The following ANKH variants were observed in gnomAD, a reference collection of about 807,000 sequenced individuals.
ANKH encodes the protein mineralization regulator ANKH.
Under a neutral mutation model 49.0 loss-of-function variants are expected in ANKH, and 15 were observed. The observed-to-expected ratio is 0.31, with a 90% confidence interval of 0.20 to 0.47. The LOEUF is 0.47. Ranked by LOEUF, ANKH falls within the 20% of genes least tolerant of loss-of-function variation. The probability of loss-of-function intolerance (pLI) is 1.00; values close to 1 mark genes in which losing one functional copy is unlikely to be tolerated. For missense variants in ANKH, 429 were observed against 652.0 expected (o/e 0.66, Z 3.72); for synonymous variants, 273 against 260.0 (o/e 1.05, Z -0.48).
chr5:14,783,721 G>A (rs930676518), intron 1 of ANKH, among the ~76,000 whole-genome samples: 4 of 152,150 alleles, frequency 2.6e-5, no homozygotes, highest in Non-Finnish European at 5.9e-5. Context: ...CTTAAATAGT[G>A]ACATGATAAT....
intron 5 of ANKH, among the ~76,000 whole-genome samples, chr5:14,749,965 ACATCATGG>A (rs1738659820): frequency 6.6e-6 from 1 of 152,254 alleles, no homozygotes; most frequent in South Asian, 2.1e-4. Flanking sequence ...GGTGAGAGTT[ACATCATGG>A]AACCATCTTG....
chr5:14,798,523 G>A, intron 1 of ANKH: 1 of 738,882 alleles, frequency 1.4e-6, no homozygotes, highest in Non-Finnish European at 2.1e-6. Context: ...TTGAAGGTTT[G>A]TGGCAACCCT....
At chr5:14,824,301 C>T (rs970583015) in intron 1 of ANKH, among the ~76,000 whole-genome samples, 5 of 152,146 alleles carry the variant, frequency 3.3e-5, no homozygotes, top group South Asian at 2.1e-4. Flanking sequence ...CTGCTGCATA[C>T]GATGTATTCT....
chr5:14,757,397 T>C (rs1738922319), intron 3 of ANKH, among the ~76,000 whole-genome samples: 1 of 145,260 alleles, frequency 6.9e-6, no homozygotes, highest in South Asian at 2.2e-4. Context: ...CTTTCCAGCA[T>C]TGGACCTTAT....
chr5:14,714,521 G>A (rs548502804), intron 9 of ANKH, among the ~76,000 whole-genome samples: 55 of 152,330 alleles, frequency 3.6e-4, no homozygotes, highest in African/African-American at 1.1e-3. Flanking sequence ...GCTCATTCCT[G>A]GGATAAAAAT....
At chr5:14,779,342 A>G (rs1336966223) in intron 1 of ANKH, among the ~76,000 whole-genome samples, 11 of 152,046 alleles carry the variant, frequency 7.2e-5, no homozygotes, top group Non-Finnish European at 1.6e-4. Flanking sequence ...CCATCCTAAA[A>G]AAGAAACCCT....
intron 1 of ANKH, among the ~76,000 whole-genome samples, chr5:14,855,595 T>C (rs549515028): frequency 6.6e-6 from 1 of 152,236 alleles, no homozygotes; most frequent in South Asian, 2.1e-4. Context: ...ATCATAACTG[T>C]CAACAAAATT....
intron 1 of ANKH, among the ~76,000 whole-genome samples, chr5:14,819,940 T>C (rs113796364): frequency 0.024 from 2,912 of 121,780 alleles, 73 homozygotes; most frequent in African/African-American, 0.069. Flanking sequence ...CACACACACA[T>C]TAAGCCTAAT....
At chr5:14,772,220 G>T (rs1474987717) in intron 1 of ANKH, among the ~76,000 whole-genome samples, 2 of 152,144 alleles carry the variant, frequency 1.3e-5, no homozygotes, top group Non-Finnish European at 2.9e-5. Context: ...CACGTTCTGT[G>T]CCTTTGTTTC....
chr5:14,857,931 A>T (rs1339966901), intron 1 of ANKH, among the ~76,000 whole-genome samples: 1 of 152,208 alleles, frequency 6.6e-6, no homozygotes, highest in East Asian at 1.9e-4. Context: ...AGCCTGGAAA[A>T]GGGGCACATT....
chr5:14,831,226 G>A (rs138884114), intron 1 of ANKH, among the ~76,000 whole-genome samples: 17 of 152,110 alleles, frequency 1.1e-4, no homozygotes, highest in African/African-American at 3.1e-4. Flanking sequence ...TCACAGAACC[G>A]GAATCGGACA....
Position 14,737,383 on chromosome 5 carries a change from C to T in ANKH, c.1011+4444G>A, listed in dbSNP as rs960147172. 4.6e-5 allele frequency among the ~76,000 whole-genome samples: 7 copies of T among 152,200 alleles called. No homozygotes were observed. Among genetic ancestry groups the T allele is most frequent in the African/African-American group, 1.7e-4 (7 of 41,448 alleles). On this transcript the variant is annotated intron_variant, in intron 8 of 11. Transcript: ENST00000284268. The surrounding 1 kb of genome is among the most constrained non-coding windows in gnomAD (Gnocchi z 5.0). ...AAGTTCAGCACTGCAGCTGCCTTCC[C>T]CACGTAAGAGGAAGGACTGTGGTGC...
Position 14,711,143 on chromosome 5 carries a change from G to A in ANKH, c.*54C>T, listed in dbSNP as rs1737170207. 2 of 1,408,652 alleles carry A rather than the reference G, an allele frequency of 1.4e-6. No homozygotes were observed. Among genetic ancestry groups the A allele is most frequent in the Admixed American group, 3.3e-5 (2 of 59,752 alleles). 87.3% of individuals were successfully genotyped at this position (1,408,652 alleles called of 1,614,324 possible). ...TACGATGGGAGAGGGAAGAGATGAT[G>A]CCGAAGTGTCATCCTGACTGACTGT... On this transcript the variant is annotated 3_prime_UTR_variant, in exon 12 of 12. Transcript: ENST00000284268.
chr5:14,817,750 G>C (rs1351022845), intron 1 of ANKH, among the ~76,000 whole-genome samples: 2 of 152,162 alleles, frequency 1.3e-5, no homozygotes, highest in African/African-American at 2.4e-5. Context: ...CCTGGAGAGA[G>C]GTGTGTCAAC....
chr5:14,796,705 A>G (rs1443745757), intron 1 of ANKH, among the ~76,000 whole-genome samples: 2 of 152,092 alleles, frequency 1.3e-5, no homozygotes, highest in African/African-American at 2.4e-5. Context: ...AATCTCCCCT[A>G]TTTCCTGAAT....
chr5:14,815,758 C>T (rs10037504), intron 1 of ANKH, among the ~76,000 whole-genome samples: 2,108 of 152,318 alleles, frequency 0.014, 46 homozygotes, highest in African/African-American at 0.048. Flanking sequence ...GCCACACAGA[C>T]ACGACCACAA....
intron 1 of ANKH, among the ~76,000 whole-genome samples, chr5:14,823,525 G>C (rs796155010): frequency 3.3e-5 from 5 of 152,330 alleles, no homozygotes; most frequent in African/African-American, 1.2e-4. Context: ...CAGGAATTGA[G>C]AGACTGAGAG....
chr5:14,802,846 T>A (rs962801770), intron 1 of ANKH, among the ~76,000 whole-genome samples: 4 of 152,148 alleles, frequency 2.6e-5, no homozygotes, highest in African/African-American at 9.7e-5. Flanking sequence ...AAGCTGCCCA[T>A]CATGATCCAA....
chr5:14,716,691 T>C lies in ANKH; in HGVS notation c.1141+15A>G. 1 of 1,613,798 alleles carries C rather than the reference T, an allele frequency of 6.2e-7. No individual in the cohort carries two copies. The highest frequency in any genetic ancestry group is 8.5e-7 in the Non-Finnish European group (1 of 1,179,790). On this transcript the variant is annotated intron_variant, in intron 9 of 11. Coordinates refer to ENST00000284268, the MANE Select transcript of ANKH (RefSeq NM_054027.6). Reference sequence around the variant, plus strand: ...GGATAAACAGGAATGCTTCCTTCATTCTGTTTTTCTTTACCTGGAACTGGG... The same window carrying C: ...GGATAAACAGGAATGCTTCCTTCATCCTGTTTTTCTTTACCTGGAACTGGG...
Sources: gnomAD v4.1 joint callset for allele counts (sites outside exome capture counted in the v4.1 genomes callset) on GRCh38, gnomAD v4.1.1 for gene constraint, Gnocchi (gnomAD v3.1) non-coding constraint, MANE v1.5 for transcripts, NCBI Gene and HGNC (gene_info 2026-07-23, HGNC 2026-07-21) for gene names.